NALCN: variants seen among roughly 807,000 people sequenced by gnomAD.
NALCN encodes the protein sodium leak channel NALCN.
A neutral mutation model predicts 225.3 loss-of-function variants in NALCN; 111 were observed. The observed-to-expected ratio is 0.49, with a 90% CI of 0.42 to 0.58. NALCN has a LOEUF of 0.58. Among genes scored for constraint, NALCN ranks in the 20% least tolerant of loss-of-function variants. The pLI is 0.00. For missense variants in NALCN, 1,378 were observed against 2,202.4 expected, an observed-to-expected ratio of 0.63 and a Z score of 7.49; for synonymous variants, 764 against 769.0, an observed-to-expected ratio of 0.99 and a Z score of 0.11.
intron 2 of NALCN, among the ~76,000 whole-genome samples, chr13:101,398,340 G>A (rs918687678): frequency 6.6e-5 from 10 of 152,220 alleles, no homozygotes; most frequent in Admixed American, 6.5e-4. Context: ...CACTGCAAGA[G>A]GGAACAGGCC....
intron 34 of NALCN, among the ~76,000 whole-genome samples, chr13:101,081,085 G>A (rs760309147): frequency 6.6e-6 from 1 of 152,152 alleles, no homozygotes; most frequent in Non-Finnish European, 1.5e-5. Flanking sequence ...ATCACATTGT[G>A]AAATACTGAT....
Position 101,091,197 on chromosome 13 carries a change from T to C in NALCN, c.3270-1231A>G, listed in dbSNP as rs3956549. On this transcript the variant is annotated intron_variant, in intron 28 of 43. Transcript: ENST00000251127. ...ACTGGAAAATCATGGACTATATTTC[T>C]TGAATTTAATGAAGAACTGAGCTCC... 2.8e-3 allele frequency among the ~76,000 whole-genome samples: 425 copies of C among 152,280 alleles called. 7 individuals are homozygous for C. The East Asian group carries it at 0.042, about 15-fold the overall frequency.
At chr13:101,165,363 T>C (rs2038387942) in intron 15 of NALCN, among the ~76,000 whole-genome samples, 1 of 152,218 alleles carries the variant, frequency 6.6e-6, no homozygotes, top group Admixed American at 6.5e-5. Context: ...CTTGCTCTTA[T>C]TGCCTTCACT....
At chr13:101,197,295 T>C (rs2039931718) in intron 13 of NALCN, among the ~76,000 whole-genome samples, 1 of 152,154 alleles carries the variant, frequency 6.6e-6, no homozygotes, top group East Asian at 1.9e-4. Context: ...TCTCTTCTCC[T>C]CCTCCGCGAC....
intron 14 of NALCN, among the ~76,000 whole-genome samples, chr13:101,178,339 A>G (rs904401890): frequency 1.3e-5 from 2 of 152,162 alleles, no homozygotes; most frequent in African/African-American, 2.4e-5. Flanking sequence ...TAGTGAAAGT[A>G]CAAACATGAA....
Position 101,055,221 on chromosome 13 carries a change from T to G in NALCN, c.*74A>C, listed in dbSNP as rs952468021. 1 of 1,150,928 alleles carries G rather than the reference T, an allele frequency of 8.7e-7. No individual in the cohort carries two copies. Among genetic ancestry groups the G allele is most frequent in the African/African-American group, 1.5e-5 (1 of 64,974 alleles). The allele number at this position is 1,150,928 out of a possible 1,614,324, so 71.3% of individuals were successfully genotyped here. ...ATTCAGTTATAGATCAATTACAGAT[T>G]GCTCACTGGACAATCAAGGACATTA... On this transcript the variant is annotated 3_prime_UTR_variant, in exon 44 of 44. Coordinates refer to ENST00000251127, the MANE Select transcript of NALCN (RefSeq NM_052867.4).
At chr13:101,392,241 C>A (rs758348648) in intron 3 of NALCN, among the ~76,000 whole-genome samples, 3 of 151,882 alleles carry the variant, frequency 2.0e-5, no homozygotes, top group Non-Finnish European at 4.4e-5. Flanking sequence ...CAAAACCTGA[C>A]AAAGATTAGA....
intron 15 of NALCN, among the ~76,000 whole-genome samples, chr13:101,163,661 GCT>G (rs2038297676): frequency 3.3e-5 from 5 of 152,208 alleles, no homozygotes; most frequent in African/African-American, 1.2e-4. Flanking sequence ...ATTGTTCCCT[GCT>G]GCCCCATGCT....
intron 7 of NALCN, among the ~76,000 whole-genome samples, chr13:101,332,613 G>C (rs921920362): frequency 4.6e-5 from 7 of 152,082 alleles, no homozygotes; most frequent in South Asian, 2.1e-4. Context: ...GAAATATTTA[G>C]CCAGCTACAA....
At chr13:101,136,187 G>A (rs1409667699) in intron 17 of NALCN, among the ~76,000 whole-genome samples, 1 of 152,226 alleles carries the variant, frequency 6.6e-6, no homozygotes, top group Admixed American at 6.5e-5. Context: ...ATTGTTGGAT[G>A]AAAGGGTGAG....
intron 7 of NALCN, among the ~76,000 whole-genome samples, chr13:101,338,004 C>G (rs1406617754): frequency 2.0e-5 from 3 of 152,144 alleles, no homozygotes; most frequent in Non-Finnish European, 4.4e-5. Flanking sequence ...GATGCAAAAC[C>G]TTTTCACTGG....
At chr13:101,087,133 GA>G (rs1158428988) in intron 30 of NALCN, among the ~76,000 whole-genome samples, 2 of 151,946 alleles carry the variant, frequency 1.3e-5, no homozygotes, top group Admixed American at 6.6e-5. Flanking sequence ...AGAGAAATCA[GA>G]AAAAAATCTA....
intron 7 of NALCN, among the ~76,000 whole-genome samples, chr13:101,298,519 G>C (rs866535796): frequency 6.6e-6 from 1 of 151,996 alleles, no homozygotes; most frequent in Non-Finnish European, 1.5e-5. Context: ...ACAGGGTTTC[G>C]TCATGTTGGC....
chr13:101,129,076 T>G (rs898677845), intron 17 of NALCN, among the ~76,000 whole-genome samples: 2 of 152,204 alleles, frequency 1.3e-5, no homozygotes, highest in African/African-American at 4.8e-5. Context: ...CGGGTCTTGA[T>G]GTTCATTTCT....
At chr13:101,074,150 A>T (rs976059128) in intron 36 of NALCN, among the ~76,000 whole-genome samples, 1 of 152,218 alleles carries the variant, frequency 6.6e-6, no homozygotes, top group African/African-American at 2.4e-5. Context: ...CTGAGAAAGA[A>T]ACCCAGAGTT....
chr13:101,198,783 A>T (rs939871125), intron 13 of NALCN, among the ~76,000 whole-genome samples: 1 of 152,198 alleles, frequency 6.6e-6, no homozygotes, highest in African/African-American at 2.4e-5. Context: ...CAGCCATCCC[A>T]TTACTGGGTA....
At chr13:101,103,561 C>CGTGT (rs35723947) in intron 25 of NALCN, among the ~76,000 whole-genome samples, 3 of 151,004 alleles carry the variant, frequency 2.0e-5, no homozygotes, top group Non-Finnish European at 4.4e-5. Context: ...GTGTCCACAC[C>CGTGT]GTGTGTGTGT....
intron 15 of NALCN, among the ~76,000 whole-genome samples, chr13:101,162,684 A>C (rs2038246389): frequency 6.6e-6 from 1 of 152,234 alleles, no homozygotes; most frequent in African/African-American, 2.4e-5. Context: ...CAGGATCTGA[A>C]AGAAAAAGTG....
intron 9 of NALCN, among the ~76,000 whole-genome samples, chr13:101,291,287 T>C (rs1339411735): frequency 6.6e-6 from 1 of 152,208 alleles, no homozygotes; most frequent in African/African-American, 2.4e-5. Flanking sequence ...ATCCTACACA[T>C]AGACATTACA....
Sources: allele counts gnomAD v4.1 joint callset (sites outside exome capture counted in the v4.1 genomes callset), GRCh38; gene constraint gnomAD v4.1.1; transcripts MANE v1.5; gene names NCBI Gene and HGNC (gene_info 2026-07-23, HGNC 2026-07-21).